The following SSR1 variants were observed in gnomAD, a reference collection of about 807,000 sequenced individuals.
SSR1 encodes signal sequence receptor subunit 1.
Under a neutral mutation model 36.1 loss-of-function variants are expected in SSR1, and 13 were observed. That is an observed-to-expected ratio of 0.36 (90% CI 0.23 to 0.57). SSR1 has a LOEUF of 0.57. Among genes scored for constraint, SSR1 ranks in the 20% least tolerant of loss-of-function variants. The pLI is 0.81. For synonymous variants in SSR1, 113 were observed against 118.9 expected (o/e 0.95, Z 0.32); for missense variants, 291 against 338.5 (o/e 0.86, Z 1.10).
chr6:7,298,854 T>C (rs1333275455), intron 4 of SSR1, 31 bp from the exon 5 acceptor site: 1 of 1,555,748 alleles, frequency 6.4e-7, no homozygotes, highest in Non-Finnish European at 8.8e-7. Context: ...ATCAGAAAAA[T>C]CTAAATGCAA....
rs751403689 is a variant in SSR1 at position 7,288,418 on chromosome 6, A to C, written c.*1446T>G. On this transcript the variant is annotated 3_prime_UTR_variant, in exon 8 of 8. Transcript: ENST00000244763. ...TTTGCAAAGTGATTAACAATTATACAATAACTTCTATCTGCTTTGGCTCAG... is the reference window on the plus strand; with the variant it reads ...TTTGCAAAGTGATTAACAATTATACCATAACTTCTATCTGCTTTGGCTCAG... The C allele has an allele frequency of 6.6e-6, 1 of 152,322 alleles. No homozygotes were observed. The highest frequency in any genetic ancestry group is 1.5e-5 in the Non-Finnish European group (1 of 68,026). 9.4% of individuals were successfully genotyped at this position (152,322 alleles called of 1,614,324 possible).
intron 1 of SSR1, among the ~76,000 whole-genome samples, chr6:7,312,041 T>C: frequency 6.6e-6 from 1 of 152,212 alleles, no homozygotes; most frequent in East Asian, 1.9e-4. Context: ...ACTTCACTTT[T>C]CATCGCAAAA....
At position 7,281,585 on chromosome 6, in the gene SSR1, A is replaced by T. The variant is rs1209664911; in HGVS notation, c.*8279T>A. 3.3e-5 allele frequency: 5 copies of T among 152,260 alleles called. No homozygotes were observed. The highest frequency in any genetic ancestry group is 7.3e-5 in the Non-Finnish European group (5 of 68,044). The allele number at this position is 152,260 out of a possible 1,614,324, so 9.4% of individuals were successfully genotyped here. A position where few individuals can be genotyped will look rare whatever the true frequency, so the allele number is the denominator to read the frequency against. On this transcript the variant is annotated 3_prime_UTR_variant, in exon 8 of 8. Transcript: ENST00000244763. The stretch of plus-strand genomic sequence containing the variant: ...TCCCAACTAAATTCCAATTTCTTCA[A>T]TGTTCTCTGAGTTGTTAGATTTCAA...
chr6:7,289,873 A>G lies in SSR1; in HGVS notation c.852T>C (p.Ser284=), dbSNP rs1757643827. ...TTGCACAAAGGAACATTTACTCATC[A>G]GATCCCACTGATCTCTTCTGTGCCC... is the stretch of plus-strand genomic sequence containing the variant. ...RKRAQKRSVG[S]DE Residue 284 remains serine, a synonymous_variant, in exon 8 of 8, where the codon TCT becomes TCC. Transcript: ENST00000244763. The G allele has an allele frequency of 6.4e-7, 1 of 1,565,734 alleles. No individual in the cohort carries two copies. The highest frequency in any genetic ancestry group is 8.6e-7 in the Non-Finnish European group (1 of 1,163,460).
rs1334577398 is a variant in SSR1, at chr6:7,313,178, G to A, written c.-58C>T. Reference sequence around the variant, plus strand: ...GCTAAGGCTCTCGGCGGCTCCGGCGGTAATGGCGTTACTCTTCATCCGGGC... The same window carrying A: ...GCTAAGGCTCTCGGCGGCTCCGGCGATAATGGCGTTACTCTTCATCCGGGC... On this transcript the variant is annotated 5_prime_UTR_variant, in exon 1 of 8. Coordinates refer to ENST00000244763, the MANE Select transcript of SSR1 (RefSeq NM_003144.5). 10 of 1,495,792 alleles carry A rather than the reference G, an allele frequency of 6.7e-6. No individual in the cohort carries two copies. In the Admixed American group the frequency reaches 8.1e-5, roughly 12 times the overall value. The allele number at this position is 1,495,792 out of a possible 1,614,324, so 92.7% of individuals were successfully genotyped here.
chr6:7,290,166 A>C (rs1169675590), intron 7 of SSR1, among the ~76,000 whole-genome samples: 1 of 152,254 alleles, frequency 6.6e-6, no homozygotes, highest in Non-Finnish European at 1.5e-5. Context: ...AGGGTGGGTA[A>C]GAGATTTAAA....
chr6:7,311,294 T>TA (rs5874090), intron 1 of SSR1, among the ~76,000 whole-genome samples: 46,403 of 152,054 alleles, frequency 0.31, 7,854 homozygotes, highest in African/African-American at 0.46. Flanking sequence ...GGCAAGACCA[T>TA]AAAAAGAATT....
chr6:7,299,014 TAA>T, intron 4 of SSR1, 191 bp from the exon 5 acceptor site: 1 of 574,152 alleles, frequency 1.7e-6, no homozygotes, highest in Non-Finnish European at 3.1e-6. Flanking sequence ...TCACATGAAA[TAA>T]AGTCTCTGGG....
At chr6:7,310,779 C>T (rs1758176008) in intron 1 of SSR1, among the ~76,000 whole-genome samples, 1 of 152,102 alleles carries the variant, frequency 6.6e-6, no homozygotes, top group South Asian at 2.1e-4. Context: ...GGTGTGGTGG[C>T]ACACACCTGT....
chr6:7,306,892 G>A (rs1181544259), intron 2 of SSR1, among the ~76,000 whole-genome samples: 2 of 150,658 alleles, frequency 1.3e-5, no homozygotes, highest in South Asian at 2.1e-4. Flanking sequence ...ACTCCAGCCT[G>A]GGCGACAGAG....
At chr6:7,309,294 C>CA (rs1391618478) in intron 2 of SSR1, among the ~76,000 whole-genome samples, 9 of 151,296 alleles carry the variant, frequency 5.9e-5, no homozygotes, top group Admixed American at 1.3e-4. Context: ...CCTGTCTCTA[C>CA]AAAAAAAAAT....
rs138038641 is a variant in SSR1, at chr6:7,309,275, T to C, written c.192+642A>G. ...AAGTTTTAGACTAGCCTGGGCAACA[T>C]AGCAAGACCCTGTCTCTACAAAAAA... On this transcript the variant is annotated intron_variant, in intron 2 of 7. Transcript: ENST00000244763. Among the ~76,000 whole-genome samples, 413 of 152,162 alleles carry C rather than the reference T, an allele frequency of 2.7e-3. 18 individuals carry two copies. In the East Asian group the frequency reaches 0.068, roughly 25 times the overall value.
rs771709759 is a variant in SSR1, at chr6:7,298,786, A to G, written c.581T>C (p.Val194Ala). 1 of 1,613,520 alleles carries G rather than the reference A, an allele frequency of 6.2e-7. No individual in the cohort carries two copies. Residue 194 changes from valine to alanine, a missense_variant, in exon 5 of 8, where the codon GTT becomes GCT. Physicochemically the swap from Val to Ala is moderately conservative, Grantham distance 64. Transcript: ENST00000244763. ...CCCATCCTCTCTTTCAATAACTGTAACTGTTTGATTGAAGACTGCATCTTG... is the reference window on the plus strand; with the variant it reads ...CCCATCCTCTCTTTCAATAACTGTAGCTGTTTGATTGAAGACTGCATCTTG... ...VFQDAVFNQTVTVIEREDGLD... is the reference protein window; with the variant it reads ...VFQDAVFNQTATVIEREDGLD...
In SSR1 at chr6:7,313,090, G is replaced by C. The variant is rs781241604; in HGVS notation, c.31C>G (p.Leu11Val). 1 of 1,608,662 alleles carries C rather than the reference G, an allele frequency of 6.2e-7. No homozygotes were observed. The highest frequency in any genetic ancestry group is 1.7e-5 in the Admixed American group (1 of 59,694). The change falls in exon 1 of 8, where the codon CTC becomes GTC. Residue 11 changes from leucine to valine, a missense_variant. By Grantham distance (32) the Leu-to-Val change is conservative. Transcript: ENST00000244763. MRLLPRLLLL[L>V]LLVFPATVLF... Reference sequence around the variant, plus strand: ...ACAGTGGCAGGGAACACGAGTAAGAGAAGCAGCAGCAAGCGGGGGAGGAGT... The same window carrying C: ...ACAGTGGCAGGGAACACGAGTAAGACAAGCAGCAGCAAGCGGGGGAGGAGT...
At chr6:7,296,017 T>C (rs1757786834) in intron 6 of SSR1, among the ~76,000 whole-genome samples, 1 of 152,242 alleles carries the variant, frequency 6.6e-6, no homozygotes, top group Non-Finnish European at 1.5e-5. Flanking sequence ...ACTGCTGATA[T>C]GTTACATGCA....
At chr6:7,312,065 C>T (rs180809174) in intron 1 of SSR1, among the ~76,000 whole-genome samples, 13 of 152,280 alleles carry the variant, frequency 8.5e-5, no homozygotes, top group African/African-American at 3.1e-4. Context: ...CTCGTGAATA[C>T]CTGTCACTAC....
chr6:7,308,917 A>G (rs3778333), intron 2 of SSR1, among the ~76,000 whole-genome samples: 46,332 of 152,130 alleles, frequency 0.3, 7,838 homozygotes, highest in African/African-American at 0.46. Context: ...ATAAGTCAGA[A>G]AAGGAAGCAG....
chr6:7,295,809 A>T (rs1757783012), intron 6 of SSR1, among the ~76,000 whole-genome samples: 1 of 152,252 alleles, frequency 6.6e-6, no homozygotes. Flanking sequence ...CATGTCTAGT[A>T]CTGATGATAA....
At position 7,283,715 on chromosome 6, in the gene SSR1, G is replaced by C. The variant is rs568864509; in HGVS notation, c.*6149C>G. ...TAAATGAAGCTTGACTCTGGACTGT[G>C]ATAGCAGAAACAAATACAGGCAGTG... On this transcript the variant is annotated 3_prime_UTR_variant, in exon 8 of 8. Coordinates refer to ENST00000244763, the MANE Select transcript of SSR1 (RefSeq NM_003144.5). The C allele has an allele frequency of 1.3e-5, 2 of 152,350 alleles. No individual in the cohort carries two copies. Among genetic ancestry groups the C allele is most frequent in the East Asian group, 3.9e-4 (2 of 5,192 alleles). The allele number at this position is 152,350 out of a possible 1,614,324, so 9.4% of individuals were successfully genotyped here. A position where few individuals can be genotyped will look rare whatever the true frequency, so the allele number is the denominator to read the frequency against.
Sources: allele counts gnomAD v4.1 joint callset (sites outside exome capture counted in the v4.1 genomes callset), GRCh38; gene constraint gnomAD v4.1.1; transcripts MANE v1.5; gene names NCBI Gene and HGNC (gene_info 2026-07-23, HGNC 2026-07-21).